The following CCNY variants were observed in gnomAD, a reference collection of about 807,000 sequenced individuals.
CCNY encodes the protein cyclin Y.
Under a neutral mutation model 42.8 loss-of-function variants are expected in CCNY, and 19 were observed. That is an observed-to-expected ratio of 0.44 (90% confidence interval 0.31 to 0.65). The LOEUF is 0.65. Among genes scored for constraint, CCNY ranks in the 30% least tolerant of loss-of-function variants. The pLI is 0.07. For synonymous variants in CCNY, 165 were observed against 162.7 expected (o/e 1.01, Z -0.11); for missense variants, 370 against 437.3 (o/e 0.85, Z 1.37).
intron 1 of CCNY, among the ~76,000 whole-genome samples, chr10:35,482,749 G>GGTTGTGT (rs1554793732): frequency 7.8e-6 from 1 of 128,844 alleles, no homozygotes; most frequent in Non-Finnish European, 1.6e-5. Flanking sequence ...GCTGGAAATA[G>GGTTGTGT]GTGTGTGTGT....
At chr10:35,352,057 C>T (rs996414979) in intron 1 of CCNY, among the ~76,000 whole-genome samples, 3 of 152,288 alleles carry the variant, frequency 2.0e-5, no homozygotes, top group Non-Finnish European at 2.9e-5. Flanking sequence ...ATGATATTTT[C>T]GCCTTCAGTT....
chr10:35,353,479 G>A (rs1364719316), intron 1 of CCNY, among the ~76,000 whole-genome samples: 2 of 152,180 alleles, frequency 1.3e-5, no homozygotes, highest in African/African-American at 4.8e-5. Context: ...TTTTTGTTGA[G>A]TATGAGAAGA....
At chr10:35,564,338 A>AG (rs1841525047) in intron 8 of CCNY, among the ~76,000 whole-genome samples, 1 of 152,054 alleles carries the variant, frequency 6.6e-6, no homozygotes, top group African/African-American at 2.4e-5. Flanking sequence ...GCCTGCCCAC[A>AG]GGTCCCAGTG....
intron 1 of CCNY, among the ~76,000 whole-genome samples, chr10:35,408,023 A>G (rs952382049): frequency 6.6e-6 from 1 of 152,196 alleles, no homozygotes; most frequent in Non-Finnish European, 1.5e-5. Flanking sequence ...CTTTGTCTCC[A>G]CCAGAAAATG....
At chr10:35,437,729 G>GT (rs1300909355) in intron 1 of CCNY, among the ~76,000 whole-genome samples, 2 of 151,672 alleles carry the variant, frequency 1.3e-5, no homozygotes, top group African/African-American at 4.8e-5. Flanking sequence ...GTGAGAAAAG[G>GT]TTTTTTTTCT....
intron 1 of CCNY, among the ~76,000 whole-genome samples, chr10:35,439,901 A>T (rs1261949396): frequency 2.0e-5 from 3 of 152,028 alleles, no homozygotes; most frequent in Non-Finnish European, 4.4e-5. Context: ...TCTTTGTTAT[A>T]GTTGGTGGGA....
At chr10:35,474,068 C>T (rs1041731381) in intron 1 of CCNY, among the ~76,000 whole-genome samples, 19 of 152,304 alleles carry the variant, frequency 1.2e-4, no homozygotes, top group African/African-American at 3.8e-4. Context: ...CATTCCCACC[C>T]GAATACTGCG....
chr10:35,448,061 C>T (rs2135307927), intron 1 of CCNY, among the ~76,000 whole-genome samples: 1 of 152,336 alleles, frequency 6.6e-6, no homozygotes, highest in Middle Eastern at 3.4e-3. Flanking sequence ...ATCCTCCAGC[C>T]AGTGAAGGAG....
intron 1 of CCNY, among the ~76,000 whole-genome samples, chr10:35,440,491 A>G (rs1402096649): frequency 6.6e-6 from 1 of 152,200 alleles, no homozygotes; most frequent in Non-Finnish European, 1.5e-5. Context: ...GCTTATGAAA[A>G]CAGCCTGGCC....
chr10:35,417,098 C>T (rs1056205109), intron 1 of CCNY, among the ~76,000 whole-genome samples: 3 of 152,170 alleles, frequency 2.0e-5, no homozygotes, highest in African/African-American at 7.2e-5. Context: ...GGAAATGAAA[C>T]ACATCACTTC....
intron 3 of CCNY, among the ~76,000 whole-genome samples, chr10:35,309,464 C>T (rs1835654658): frequency 6.6e-6 from 1 of 152,058 alleles, no homozygotes; most frequent in African/African-American, 2.4e-5. Context: ...TGGGTGTCAC[C>T]CGGGCTGAAG....
intron 7 of CCNY, among the ~76,000 whole-genome samples, chr10:35,547,624 C>G (rs775932805): frequency 3.9e-5 from 6 of 152,202 alleles, no homozygotes; most frequent in Admixed American, 6.5e-5. Context: ...TAGCGAATCA[C>G]TCGTATGTAG....
chr10:35,343,535 A>C (rs192506916), intron 1 of CCNY, among the ~76,000 whole-genome samples: 124 of 151,940 alleles, frequency 8.2e-4, no homozygotes, highest in African/African-American at 2.9e-3. Context: ...GACTACAGGC[A>C]CGTGCCACCA....
chr10:35,425,762 T>G (rs1440853701), intron 1 of CCNY, among the ~76,000 whole-genome samples: 1 of 152,184 alleles, frequency 6.6e-6, no homozygotes, highest in Admixed American at 6.5e-5. Flanking sequence ...ACTTTCTGCT[T>G]TCTAACTTTT....
At chr10:35,258,681 C>A (rs753519855) in intron 3 of CCNY, among the ~76,000 whole-genome samples, 1 of 152,088 alleles carries the variant, frequency 6.6e-6, no homozygotes, top group African/African-American at 2.4e-5. Flanking sequence ...TGGCTCACGC[C>A]TTTCCCAGCA....
intron 3 of CCNY, among the ~76,000 whole-genome samples, chr10:35,285,898 T>C (rs1489600889): frequency 6.6e-6 from 1 of 152,042 alleles, no homozygotes; most frequent in African/African-American, 2.4e-5. Flanking sequence ...CTGCAACCTC[T>C]GCCTCCCGGT....
At chr10:35,409,706 A>G (rs1241630774) in intron 1 of CCNY, among the ~76,000 whole-genome samples, 1 of 152,224 alleles carries the variant, frequency 6.6e-6, no homozygotes, top group Non-Finnish European at 1.5e-5. Flanking sequence ...AAAAATAAGT[A>G]AAAATGTAAA....
intron 1 of CCNY, among the ~76,000 whole-genome samples, chr10:35,430,383 G>T (rs1735694335): frequency 6.8e-6 from 1 of 146,740 alleles, no homozygotes; most frequent in African/African-American, 2.5e-5. Flanking sequence ...TTGAAATCCT[G>T]CCATAGAGTT....
At chr10:35,465,938 A>AGAGAGAGAGAGAGAGAGAGAGTGT in intron 1 of CCNY, among the ~76,000 whole-genome samples, 40 of 81,010 alleles carry the variant, frequency 4.9e-4, no homozygotes, top group South Asian at 1.0e-3. Context: ...AGAGAGAGAG[A>AGAGAGAGAGAGAGAGAGAGAGTGT]GTGTGTGTGT....
Sources: gnomAD v4.1 joint callset for allele counts (sites outside exome capture counted in the v4.1 genomes callset) on GRCh38, gnomAD v4.1.1 for gene constraint, MANE v1.5 for transcripts, NCBI Gene and HGNC (gene_info 2026-07-23, HGNC 2026-07-21) for gene names.